FBXL7: variants seen among roughly 807,000 people sequenced by gnomAD.
The protein encoded by FBXL7 is F-box/LRR-repeat protein 7.
In FBXL7, 12 loss-of-function variants were observed where a neutral mutation model predicts 38.3. That is an observed-to-expected ratio of 0.31 (90% CI 0.20 to 0.51). FBXL7 has a LOEUF of 0.51. Among genes scored for constraint, FBXL7 ranks in the 20% least tolerant of loss-of-function variants. The pLI is 0.98. For synonymous variants in FBXL7, 297 were observed against 300.9 expected (o/e 0.99, Z 0.13); for missense variants, 567 against 676.4 (o/e 0.84, Z 1.79).
intron 2 of FBXL7, among the ~76,000 whole-genome samples, chr5:15,913,345 G>T (rs1441057990): frequency 6.6e-6 from 1 of 151,202 alleles, no homozygotes; most frequent in African/African-American, 2.4e-5. Flanking sequence ...GTATACATGT[G>T]CCATGCTGGT....
Position 15,928,162 on chromosome 5 carries a change from C to G in FBXL7, c.400C>G (p.Leu134Val), listed in dbSNP as rs753950164. The G allele has an allele frequency of 3.1e-6, 5 of 1,610,702 alleles. No individual in the cohort carries two copies. The South Asian group carries it at 5.5e-5, about 18-fold the overall frequency. The change falls in exon 3 of 4, where the codon CTG becomes GTG. Residue 134 changes from leucine (L) to valine (V), a missense_variant. Physicochemically the swap from Leu to Val is conservative, Grantham distance 32. Coordinates refer to ENST00000504595, the MANE Select transcript of FBXL7 (RefSeq NM_012304.5). The surrounding 1 kb of genome is among the most constrained non-coding windows in gnomAD (Gnocchi z 4.0). ...CTTCTCCTTCCTGCCCACCAACCAG[C>G]TGTGCCGCTGCGCGCGAGTGTGCCG... ...QIFSFLPTNQ[L>V]CRCARVCRRW... is the part of the protein sequence containing the mutation.
chr5:15,700,198 A>T (rs1042726308), intron 2 of FBXL7, among the ~76,000 whole-genome samples: 2 of 152,188 alleles, frequency 1.3e-5, no homozygotes, highest in African/African-American at 4.8e-5. Context: ...GCTCTTCTTG[A>T]AGTGGAACTA....
At chr5:15,579,487 A>G (rs989428493) in intron 1 of FBXL7, among the ~76,000 whole-genome samples, 12 of 152,226 alleles carry the variant, frequency 7.9e-5, no homozygotes, top group African/African-American at 2.9e-4. Flanking sequence ...GTTACGAAAC[A>G]CAGATGCTTC....
rs186186335 is a variant in FBXL7, at chr5:15,746,039, G to C, written c.127+129967G>C. On this transcript the variant is annotated intron_variant, in intron 2 of 3. Transcript: ENST00000504595. ...GTGGTGAGAGGGTGAGAAGTGGTTC[G>C]GTCTGTGATCTCTGTTAGAGCCAGA... 6.6e-5 allele frequency among the ~76,000 whole-genome samples: 10 copies of C among 152,180 alleles called. No homozygotes were observed. The South Asian group carries it at 2.1e-3, about 32-fold the overall frequency.
chr5:15,555,290 G>A (rs1034782120), intron 1 of FBXL7, among the ~76,000 whole-genome samples: 4 of 152,152 alleles, frequency 2.6e-5, no homozygotes, highest in Non-Finnish European at 4.4e-5. Flanking sequence ...GGCCTCTCAT[G>A]TTTCTTAGAA....
At chr5:15,506,301 G>A (rs574418269) in intron 1 of FBXL7, among the ~76,000 whole-genome samples, 12 of 152,050 alleles carry the variant, frequency 7.9e-5, no homozygotes, top group Admixed American at 1.3e-4. Context: ...TGGCTATTCC[G>A]TGACTCCAGG....
At chr5:15,607,525 T>C (rs747245124) in intron 1 of FBXL7, among the ~76,000 whole-genome samples, 3 of 152,172 alleles carry the variant, frequency 2.0e-5, no homozygotes, top group Non-Finnish European at 2.9e-5. Context: ...AACTTAGTTT[T>C]GCATAGTACC....
chr5:15,772,137 G>A (rs1209280983), intron 2 of FBXL7, among the ~76,000 whole-genome samples: 3 of 152,102 alleles, frequency 2.0e-5, no homozygotes, highest in Non-Finnish European at 4.4e-5. Flanking sequence ...GATCAACTGT[G>A]CTCCAAAACA....
chr5:15,810,545 G>A lies in FBXL7; in HGVS notation c.128-117345G>A, dbSNP rs1173199197. 2.8e-5 allele frequency among the ~76,000 whole-genome samples: 4 copies of A among 142,262 alleles called. No individual in the cohort carries two copies. The East Asian group carries it at 8.3e-4, about 29-fold the overall frequency. 93.3% of individuals were successfully genotyped at this position (142,262 alleles called of 152,430 possible). ...CATTGCACTCCAGCCTGGGTGACAA[G>A]AGCAAAACTCCGTCTCAAAAAAAAA... On this transcript the variant is annotated intron_variant, in intron 2 of 3. Transcript: ENST00000504595.
chr5:15,589,389 A>G (rs1739403978), intron 1 of FBXL7, among the ~76,000 whole-genome samples: 1 of 152,138 alleles, frequency 6.6e-6, no homozygotes, highest in Admixed American at 6.5e-5. Context: ...GTTTAAAAGT[A>G]TGTAGTGCCT....
chr5:15,795,786 C>T (rs1185140511), intron 2 of FBXL7, among the ~76,000 whole-genome samples: 1 of 152,132 alleles, frequency 6.6e-6, no homozygotes, highest in Non-Finnish European at 1.5e-5. Context: ...AATAAGCACA[C>T]ACCTTACATA....
At chr5:15,714,945 T>TC (rs1743995829) in intron 2 of FBXL7, among the ~76,000 whole-genome samples, 1 of 149,972 alleles carries the variant, frequency 6.7e-6, no homozygotes, top group Non-Finnish European at 1.5e-5. Flanking sequence ...GCTTTGAAGA[T>TC]GGAACAGGGG....
chr5:15,781,448 T>TGTGC (rs1554021113), intron 2 of FBXL7, among the ~76,000 whole-genome samples: 4 of 151,546 alleles, frequency 2.6e-5, no homozygotes, highest in South Asian at 2.1e-4. Flanking sequence ...TGTGTGTGTG[T>TGTGC]GCGCGCGCGT....
intron 1 of FBXL7, among the ~76,000 whole-genome samples, chr5:15,520,828 G>A (rs1241042726): frequency 6.6e-6 from 1 of 152,150 alleles, no homozygotes; most frequent in Admixed American, 6.5e-5. Context: ...AAATTAAAGT[G>A]TCATTTGTTT....
chr5:15,901,928 T>A (rs1034498917), intron 2 of FBXL7, among the ~76,000 whole-genome samples: 1 of 151,370 alleles, frequency 6.6e-6, no homozygotes, highest in Non-Finnish European at 1.5e-5. Context: ...TTTAACTGCA[T>A]CCTTCAACAT....
intron 3 of FBXL7, among the ~76,000 whole-genome samples, chr5:15,933,172 C>G (rs1226601879): frequency 6.6e-6 from 1 of 152,122 alleles, no homozygotes; most frequent in Non-Finnish European, 1.5e-5. Flanking sequence ...CCTAGCAAAT[C>G]TATAAGAGTT....
At chr5:15,537,967 A>G (rs1267886493) in intron 1 of FBXL7, among the ~76,000 whole-genome samples, 1 of 152,204 alleles carries the variant, frequency 6.6e-6, no homozygotes, top group Admixed American at 6.5e-5. Context: ...ACCCTGAGCT[A>G]TGGGGAGGAT....
chr5:15,829,145 T>C (rs1409174001), intron 2 of FBXL7, among the ~76,000 whole-genome samples: 1 of 152,198 alleles, frequency 6.6e-6, no homozygotes, highest in Non-Finnish European at 1.5e-5. Flanking sequence ...TAAGTGACAA[T>C]GGATTTTCAT....
intron 1 of FBXL7, among the ~76,000 whole-genome samples, chr5:15,506,475 C>T (rs1736653251): frequency 6.6e-6 from 1 of 152,158 alleles, no homozygotes; most frequent in Non-Finnish European, 1.5e-5. Context: ...TGAAACTGAA[C>T]AGTAAAACTA....
Sources: allele counts gnomAD v4.1 joint callset (sites outside exome capture counted in the v4.1 genomes callset), GRCh38; gene constraint gnomAD v4.1.1; non-coding constraint Gnocchi (gnomAD v3.1); transcripts MANE v1.5; gene names NCBI Gene and HGNC (gene_info 2026-07-23, HGNC 2026-07-21).